TECTA: variants seen among roughly 807,000 people sequenced by gnomAD.
TECTA encodes the protein tectorin alpha.
A neutral mutation model predicts 216.8 loss-of-function variants in TECTA; 128 were observed. That is an observed-to-expected ratio of 0.59 (90% CI 0.51 to 0.68). The LOEUF (loss-of-function observed/expected upper bound fraction) is 0.68. Among genes scored for constraint, TECTA ranks in the 30% least tolerant of loss-of-function variants. The probability of loss-of-function intolerance (pLI) is 0.00; values close to 1 mark genes in which losing one functional copy is unlikely to be tolerated. For synonymous variants in TECTA, 1,089 were observed against 1,117.1 expected (o/e 0.97, Z 0.50); for missense variants, 2,551 against 2,786.2 (o/e 0.92, Z 1.90).
At chr11:121,156,874 C>T (rs1215799204) in intron 13 of TECTA, among the ~76,000 whole-genome samples, 1 of 152,102 alleles carries the variant, frequency 6.6e-6, no homozygotes, top group Non-Finnish European at 1.5e-5. Flanking sequence ...CAAGATGGCA[C>T]AGGTGGGGAT....
intron 16 of TECTA, 53 bp from the exon 17 acceptor site, chr11:121,165,220 C>A: frequency 6.6e-7 from 1 of 1,514,004 alleles, no homozygotes; most frequent in Non-Finnish European, 9.0e-7. Context: ...AAAGCTACCG[C>A]ATGTAGGTGT....
rs1946744604 is a variant in TECTA at position 121,137,676 on chromosome 11, C to T, written c.3197C>T (p.Thr1066Ile). The T allele has an allele frequency of 6.2e-7, 1 of 1,613,980 alleles. No individual in the cohort carries two copies. The highest frequency in any genetic ancestry group is 1.3e-5 in the African/African-American group (1 of 74,918). The change falls in exon 11 of 24, where the codon ACA (threonine) becomes ATA (isoleucine). Residue 1066 changes from threonine to isoleucine, a missense_variant. Thr to Ile is a moderately conservative substitution (Grantham distance 89). This residue lies in a region of TECTA where 2,375 missense variants were observed against 2,563.9 expected (regional missense o/e 0.93). Coordinates refer to ENST00000392793, the MANE Select transcript of TECTA (RefSeq NM_005422.4). ...CAGATCTTCTGCTATTGCAGTGGCA[C>T]AGACAACAGGGTCCACTGCGAGACC... ...DCQIFCYCSG[T>I]DNRVHCETIP...
At chr11:121,181,468 T>TATTATTATG (rs1479868855) in intron 20 of TECTA, among the ~76,000 whole-genome samples, 1 of 150,932 alleles carries the variant, frequency 6.6e-6, no homozygotes, top group East Asian at 1.9e-4. Context: ...TTATTATTAT[T>TATTATTATG]ATTATGATTT....
At chr11:121,139,323 A>G (rs1946761024) in intron 11 of TECTA, among the ~76,000 whole-genome samples, 1 of 152,222 alleles carries the variant, frequency 6.6e-6, no homozygotes, top group Admixed American at 6.5e-5. Context: ...GGCAGGAACC[A>G]TACATACCTA....
At position 121,127,096 on chromosome 11, in the gene TECTA, A is replaced by C. The variant is rs951716826; in HGVS notation, c.1775-656A>C. 1.3e-5 allele frequency among the ~76,000 whole-genome samples: 2 copies of C among 152,220 alleles called. No homozygotes were observed. Among genetic ancestry groups the C allele is most frequent in the African/African-American group, 4.8e-5 (2 of 41,468 alleles). On this transcript the variant is annotated intron_variant, in intron 8 of 23. Transcript: ENST00000392793. This position sits in a 1 kb window ranked among gnomAD's most constrained non-coding sequence, Gnocchi z 5.0. ...ATGTAGACCCAGATGTTATTAAAGCAAGAACCGAAGATTTCTAAGGCAAGA... is the reference window on the plus strand; with the variant it reads ...ATGTAGACCCAGATGTTATTAAAGCCAGAACCGAAGATTTCTAAGGCAAGA...
chr11:121,166,529 A>G (rs756010578), intron 17 of TECTA, 49 bp from the exon 18 acceptor site: 5 of 1,602,976 alleles, frequency 3.1e-6, no homozygotes, highest in Non-Finnish European at 3.4e-6. Flanking sequence ...CCACTCCTGC[A>G]GCAAGACCGA....
At chr11:121,117,071 G>C (rs1346259442) in intron 6 of TECTA, among the ~76,000 whole-genome samples, 2 of 152,204 alleles carry the variant, frequency 1.3e-5, no homozygotes, top group Non-Finnish European at 2.9e-5. Context: ...GGTTAACCTT[G>C]CAGCCTTGTG....
chr11:121,137,429 T>G lies in TECTA; in HGVS notation c.2950T>G (p.Cys984Gly), dbSNP rs1479029875. The change falls in exon 11 of 24, where the codon TGC becomes GGC. Residue 984 changes from cysteine to glycine, a missense_variant. Around this residue, in one of 3 missense-constraint regions of TECTA, gnomAD observed 2,375 missense variants for 2,563.9 expected, o/e 0.93. Transcript: ENST00000392793. Reference sequence around the variant, plus strand: ...TCCTTGACCACCTGCAGCACTGGAGTGCCCAGAGAACAGCCACTTTGAGGA... The same window carrying G: ...TCCTTGACCACCTGCAGCACTGGAGGGCCCAGAGAACAGCCACTTTGAGGA... ...WRTYDFCPLECPENSHFEECI... is the reference protein window; with the variant it reads ...WRTYDFCPLEGPENSHFEECI... 6.2e-7 allele frequency: 1 copy of G among 1,613,778 alleles called. No individual in the cohort carries two copies. The highest frequency in any genetic ancestry group is 1.1e-5 in the South Asian group (1 of 91,062).
rs1321461882 is a variant in TECTA, at chr11:121,102,687, A to C, written c.22A>C (p.Arg8=). MNYSSFL[R]IWVSFIFALV... is the part of the protein sequence containing the mutation. Reference sequence around the variant, plus strand: ...CAGGATGAATTATTCATCATTCCTTAGAATTTGGGTCTCTTTCATCTTCGC... The same window carrying C: ...CAGGATGAATTATTCATCATTCCTTCGAATTTGGGTCTCTTTCATCTTCGC... Residue 8 remains arginine, a synonymous_variant, in exon 2 of 24, where the codon AGA becomes CGA. Transcript: ENST00000392793. 2 of 1,613,502 alleles carry C rather than the reference A, an allele frequency of 1.2e-6. No homozygotes were observed. The highest frequency in any genetic ancestry group is 1.7e-6 in the Non-Finnish European group (2 of 1,179,670).
intron 3 of TECTA, among the ~76,000 whole-genome samples, chr11:121,107,479 C>T (rs1033732980): frequency 6.6e-6 from 1 of 152,220 alleles, no homozygotes; most frequent in African/African-American, 2.4e-5. Flanking sequence ...CTTCCAAACA[C>T]GTAGACCTAC....
chr11:121,129,023 A>G (rs551199), intron 9 of TECTA, among the ~76,000 whole-genome samples: 111,975 of 152,216 alleles, frequency 0.74, 41,745 homozygotes, highest in African/African-American at 0.86. Context: ...GGGATGCAAC[A>G]TGCATTTTAT....
chr11:121,145,586 A>T lies in TECTA; in HGVS notation c.3575A>T (p.Lys1192Met), dbSNP rs777712974. 6.2e-7 allele frequency: 1 copy of T among 1,614,206 alleles called. No individual in the cohort carries two copies. The highest frequency in any genetic ancestry group is 1.7e-5 in the Admixed American group (1 of 60,030). ...AGTGAACGGCTCTATCTGCCCCTGA[A>T]GCTGGGGCAAGGGAAGATAAATATC... ...VNSERLYLPL[K>M]LGQGKINIFS... is the part of the protein sequence containing the mutation. Residue 1192 changes from lysine to methionine, a missense_variant, in exon 12 of 24, where the codon AAG becomes ATG. Lys to Met is a moderately conservative substitution (Grantham distance 95, BLOSUM62 -1). Coordinates refer to ENST00000392793, the MANE Select transcript of TECTA (RefSeq NM_005422.4).
intron 20 of TECTA, among the ~76,000 whole-genome samples, chr11:121,184,814 C>T (rs1429465095): frequency 1.3e-5 from 2 of 152,168 alleles, no homozygotes; most frequent in Non-Finnish European, 2.9e-5. Context: ...ATTTGTATTT[C>T]TGAATTGATG....
chr11:121,143,906 C>G (rs570765069), intron 11 of TECTA, among the ~76,000 whole-genome samples: 50 of 152,310 alleles, frequency 3.3e-4, no homozygotes, highest in Non-Finnish European at 3.2e-4. Context: ...GCACTTGACT[C>G]CCAGTGTCAG....
rs1946382799 is a variant in TECTA, at chr11:121,105,587, G to A, written c.65-244G>A. ...AGATATCACCAAGATGCATGAAAGT[G>A]CAAGAACATGCACAAAGTGCTTTCT... On this transcript the variant is annotated intron_variant, in intron 2 of 23. Transcript: ENST00000392793. This position sits in a 1 kb window ranked among gnomAD's most constrained non-coding sequence, Gnocchi z 5.3. Among the ~76,000 whole-genome samples, 1 of 152,222 alleles carries A rather than the reference G, an allele frequency of 6.6e-6. No homozygotes were observed. Among genetic ancestry groups the A allele is most frequent in the Non-Finnish European group, 1.5e-5 (1 of 68,034 alleles).
In TECTA at chr11:121,127,326, A is replaced by AT. The variant is rs1946622382; in HGVS notation, c.1775-421dup. Among the ~76,000 whole-genome samples the AT allele has an allele frequency of 6.6e-6, 1 of 152,086 alleles. No homozygotes were observed. Among genetic ancestry groups the AT allele is most frequent in the African/African-American group, 2.4e-5 (1 of 41,404 alleles). On this transcript the variant is annotated intron_variant, in intron 8 of 23. Coordinates refer to ENST00000392793, the MANE Select transcript of TECTA (RefSeq NM_005422.4). The surrounding 1 kb of genome is among the most constrained non-coding windows in gnomAD (Gnocchi z 5.0). ...TTCAAATTACTCCTCTAATGGTTACATTTTTCATTTCTCCTGAAAATTGGA... is the reference window on the plus strand; with the variant it reads ...TTCAAATTACTCCTCTAATGGTTACATTTTTTCATTTCTCCTGAAAATTGGA...
chr11:121,187,845 AAAGAT>A lies in TECTA; in HGVS notation c.6016_6020del (p.Asp2006HisfsTer21), dbSNP rs775773324. On this transcript the variant is annotated frameshift_variant, in exon 21 of 24. Transcript: ENST00000392793. LOFTEE classifies it high-confidence loss of function. ...TTTTCTGAATAGGTGTCAGAACCTCAAAGATAACACCATTGGCATCGAGGAGAATG... is the reference window on the plus strand; with the variant it reads ...TTTTCTGAATAGGTGTCAGAACCTCAAACACCATTGGCATCGAGGAGAATG... 2 of 1,614,124 alleles carry A rather than the reference AAAGAT, an allele frequency of 1.2e-6. No individual in the cohort carries two copies. Among genetic ancestry groups the A allele is most frequent in the African/African-American group, 1.3e-5 (1 of 74,942 alleles).
rs757676390 is a variant in TECTA, at chr11:121,158,152, C to T, written c.4617C>T (p.Leu1539=). The change falls in exon 14 of 24, where the codon CTC becomes CTT. Residue 1539 remains leucine, a synonymous_variant. Coordinates refer to ENST00000392793, the MANE Select transcript of TECTA (RefSeq NM_005422.4). ...INFDKWSAPN[L]TIISPVYFYI... ...TCGACAAGTGGTCGGCCCCCAACCTCACCATCATTTCGCCCGTCTACTTCT... is the reference window on the plus strand; with the variant it reads ...TCGACAAGTGGTCGGCCCCCAACCTTACCATCATTTCGCCCGTCTACTTCT... 1.2e-6 allele frequency: 2 copies of T among 1,614,088 alleles called. No individual in the cohort carries two copies. The highest frequency in any genetic ancestry group is 1.7e-6 in the Non-Finnish European group (2 of 1,180,052).
At chr11:121,183,478 A>T (rs1947251373) in intron 20 of TECTA, among the ~76,000 whole-genome samples, 1 of 152,074 alleles carries the variant, frequency 6.6e-6, no homozygotes, top group African/African-American at 2.4e-5. Context: ...TCTCTCAATT[A>T]CCTTTTCCCA....
Sources: gnomAD v4.1 joint callset for allele counts (sites outside exome capture counted in the v4.1 genomes callset) on GRCh38, gnomAD v4.1.1 for gene constraint, gnomAD v4.1.1 regional missense constraint, Gnocchi (gnomAD v3.1) non-coding constraint, MANE v1.5 for transcripts, NCBI Gene and HGNC (gene_info 2026-07-23, HGNC 2026-07-21) for gene names.